Variants in CYTH3 observed in about 807,000 individuals in gnomAD.
CYTH3 encodes cytohesin-3.
CYTH3 carries 23 observed loss-of-function variants against 55.1 expected under a neutral mutation model. That is an observed-to-expected ratio of 0.42 (90% CI 0.30 to 0.59). The LOEUF (loss-of-function observed/expected upper bound fraction) is 0.59. Among genes scored for constraint, CYTH3 ranks in the 20% least tolerant of loss-of-function variants. CYTH3 has a pLI of 0.20. For missense variants in CYTH3, 413 were observed against 524.8 expected, an observed-to-expected ratio of 0.79 and a Z score of 2.08; for synonymous variants, 249 against 194.9, an observed-to-expected ratio of 1.28 and a Z score of -2.31.
At chr7:6,223,189 C>T (rs57638064) in intron 1 of CYTH3, among the ~76,000 whole-genome samples, 3,132 of 151,604 alleles carry the variant, frequency 0.021, 104 homozygotes, top group African/African-American at 0.072. Flanking sequence ...TCTGCCCGGC[C>T]GCCCCATCTG....
chr7:6,272,359 T>C (rs1357731315), intron 1 of CYTH3, 115 bp downstream of exon 1: 2 of 1,002,032 alleles, frequency 2.0e-6, no homozygotes, highest in Non-Finnish European at 2.5e-6. Context: ...CCGCTGCCGC[T>C]GCCCCCGACC....
chr7:6,270,136 G>C (rs1354760982), intron 1 of CYTH3, among the ~76,000 whole-genome samples: 16 of 152,134 alleles, frequency 1.1e-4, no homozygotes, highest in Admixed American at 1.0e-3. Flanking sequence ...ACTGTAAAGA[G>C]GTATGTTAAC....
chr7:6,250,484 C>T (rs1045360203), intron 1 of CYTH3, among the ~76,000 whole-genome samples: 1 of 152,210 alleles, frequency 6.6e-6, no homozygotes, highest in Non-Finnish European at 1.5e-5. Context: ...CTCAGTTCCA[C>T]CCACAGGAGA....
intron 1 of CYTH3, among the ~76,000 whole-genome samples, chr7:6,266,006 G>C (rs1780482805): frequency 1.3e-5 from 2 of 149,852 alleles, no homozygotes; most frequent in Non-Finnish European, 2.9e-5. Context: ...GTGGGAACAA[G>C]AGTGCTGGTT....
chr7:6,190,435 T>G lies in CYTH3; in HGVS notation c.117+14A>C, dbSNP rs531906737. 60 of 1,483,066 alleles carry G rather than the reference T, an allele frequency of 4.0e-5. No homozygotes were observed. Among genetic ancestry groups the G allele is most frequent in the African/African-American group, 2.2e-4 (15 of 69,252 alleles). The allele number at this position is 1,483,066 out of a possible 1,614,324, so 91.9% of individuals were successfully genotyped here. A position where few individuals can be genotyped will look rare whatever the true frequency, so the allele number is the denominator to read the frequency against. On this transcript the variant is annotated intron_variant, in intron 2 of 12. Transcript: ENST00000350796. ...CAGAGTTTTGGATTTTTGGTTTTTT[T>G]TTTTTTTTTTTACCTCAATGTCATC...
intron 1 of CYTH3, 55 bp downstream of exon 1, chr7:6,272,418 GC>G: frequency 1.6e-4 from 186 of 1,181,114 alleles, no homozygotes; most frequent in South Asian, 9.5e-4. Flanking sequence ...TCGACCCCCA[GC>G]CCCCGGCCCC....
intron 1 of CYTH3, among the ~76,000 whole-genome samples, chr7:6,263,694 T>C (rs1780413145): frequency 6.6e-6 from 1 of 151,108 alleles, no homozygotes; most frequent in Admixed American, 6.6e-5. Context: ...GCCACTCAAG[T>C]GGTTAAGGCA....
chr7:6,206,408 A>T (rs1784189228), intron 1 of CYTH3, among the ~76,000 whole-genome samples: 1 of 152,208 alleles, frequency 6.6e-6, no homozygotes, highest in South Asian at 2.1e-4. Flanking sequence ...AAGAACAGAC[A>T]AAACTAATTT....
chr7:6,206,362 T>C (rs182732530), intron 1 of CYTH3, among the ~76,000 whole-genome samples: 2 of 152,328 alleles, frequency 1.3e-5, no homozygotes, highest in Non-Finnish European at 2.9e-5. Context: ...GACCACATAT[T>C]GTGATTCCAT....
At chr7:6,187,391 C>A (rs1392810509) in intron 3 of CYTH3, among the ~76,000 whole-genome samples, 2 of 152,248 alleles carry the variant, frequency 1.3e-5, no homozygotes, top group East Asian at 3.9e-4. Flanking sequence ...CAGGTAATTT[C>A]TGTGCGGGTC....
In CYTH3 at chr7:6,231,152, G is replaced by A. The variant is rs571117673; in HGVS notation, c.35-40621C>T. 1.7e-4 allele frequency among the ~76,000 whole-genome samples: 26 copies of A among 152,380 alleles called. No homozygotes were observed. In the Middle Eastern group the frequency reaches 0.014, roughly 80 times the overall value. ...AGACAACTGTCTGCAGTCGGATGAT[G>A]CATGAGTGGGGACGGGCAGAGGGCT... On this transcript the variant is annotated intron_variant, in intron 1 of 12. Coordinates refer to ENST00000350796, the MANE Select transcript of CYTH3 (RefSeq NM_004227.4).
Position 6,177,745 on chromosome 7 carries a change from G to A in CYTH3, c.368+78C>T, listed in dbSNP as rs1437331814. 1.8e-5 allele frequency: 21 copies of A among 1,158,194 alleles called. 1 individual carries two copies. Among genetic ancestry groups the A allele is most frequent in the Admixed American group, 1.4e-4 (8 of 55,448 alleles). The allele number at this position is 1,158,194 out of a possible 1,614,324, so 71.7% of individuals were successfully genotyped here. The stretch of plus-strand genomic sequence containing the variant: ...CATGCCTTTAGGCTGTGATGGCCCC[G>A]AAAGTGGAGCGTGAGCCTAGGTCAA... On this transcript the variant is annotated intron_variant, in intron 5 of 12. Coordinates refer to ENST00000350796, the MANE Select transcript of CYTH3 (RefSeq NM_004227.4).
chr7:6,177,025 T>C (rs1773173851), intron 5 of CYTH3, among the ~76,000 whole-genome samples: 1 of 152,278 alleles, frequency 6.6e-6, no homozygotes, highest in African/African-American at 2.4e-5. Flanking sequence ...TTGACTTGTA[T>C]GTTGAACTAA....
rs546524689 is a variant in CYTH3, at chr7:6,268,262, G to C, written c.34+4212C>G. 8.5e-5 allele frequency among the ~76,000 whole-genome samples: 13 copies of C among 152,248 alleles called. 1 individual carries two copies. Among genetic ancestry groups the C allele is most frequent in the African/African-American group, 3.1e-4 (13 of 41,544 alleles). On this transcript the variant is annotated intron_variant, in intron 1 of 12. Transcript: ENST00000350796. The stretch of plus-strand genomic sequence containing the variant: ...CACTCACCGCAACCTGCACCTCCCA[G>C]GCTCAAGCGATTCTCCTGCCTCAGC...
At position 6,170,391 on chromosome 7, in the gene CYTH3, A is replaced by G; in HGVS notation, c.823+144T>C. The G allele has an allele frequency of 2.7e-6, 2 of 727,588 alleles. No individual in the cohort carries two copies. Among genetic ancestry groups the G allele is most frequent in the Non-Finnish European group, 4.4e-6 (2 of 454,636 alleles). The allele number at this position is 727,588 out of a possible 1,614,324, so 45.1% of individuals were successfully genotyped here. ...CAGCCGTGGCCATGCAGCTACCGAG[A>G]GCGGGCTCTGGCTTAACCGCGTTTC... On this transcript the variant is annotated intron_variant, in intron 9 of 12. Transcript: ENST00000350796. The surrounding 1 kb of genome is among the most constrained non-coding windows in gnomAD (Gnocchi z 7.8).
intron 9 of CYTH3, among the ~76,000 whole-genome samples, chr7:6,166,580 T>C (rs144212462): frequency 0.013 from 2,031 of 152,292 alleles, 27 homozygotes; most frequent in Middle Eastern, 0.061. Context: ...GCACGGGCGC[T>C]GAGGCCTGGA....
chr7:6,268,179 GTTTT>G (rs1328578095), intron 1 of CYTH3, among the ~76,000 whole-genome samples: 2 of 151,820 alleles, frequency 1.3e-5, no homozygotes, highest in African/African-American at 2.4e-5. Context: ...ATTTTGTTTT[GTTTT>G]TTTGAGACAG....
At chr7:6,225,068 G>C (rs1004621565) in intron 1 of CYTH3, among the ~76,000 whole-genome samples, 1 of 152,210 alleles carries the variant, frequency 6.6e-6, no homozygotes, top group Non-Finnish European at 1.5e-5. Flanking sequence ...ACAGGAGTGA[G>C]GGATCTGTTA....
chr7:6,271,750 G>C (rs1583213882), intron 1 of CYTH3, among the ~76,000 whole-genome samples: 1 of 152,162 alleles, frequency 6.6e-6, no homozygotes. Flanking sequence ...CCACTCGGGA[G>C]CACACCTGGC....
Sources: allele counts gnomAD v4.1 joint callset (sites outside exome capture counted in the v4.1 genomes callset), GRCh38; gene constraint gnomAD v4.1.1; non-coding constraint Gnocchi (gnomAD v3.1); transcripts MANE v1.5; gene names NCBI Gene and HGNC (gene_info 2026-07-23, HGNC 2026-07-21).